Variants in NTNG1 observed in about 807,000 individuals in gnomAD.
NTNG1 encodes netrin-G1.
Under a neutral mutation model 54.0 loss-of-function variants are expected in NTNG1, and 16 were observed. That is an observed-to-expected ratio of 0.30 (90% confidence interval 0.20 to 0.45). The LOEUF (loss-of-function observed/expected upper bound fraction) is 0.45. NTNG1 is among the 20% of genes least tolerant of loss of function. NTNG1 has a pLI of 1.00. For synonymous variants in NTNG1, 255 were observed against 263.1 expected (o/e 0.97, Z 0.30); for missense variants, 530 against 678.7 (o/e 0.78, Z 2.43).
intron 2 of NTNG1, among the ~76,000 whole-genome samples, chr1:107,245,599 G>C (rs746460275): frequency 6.6e-5 from 10 of 151,936 alleles, no homozygotes; most frequent in Non-Finnish European, 1.3e-4. Context: ...AATCAATACT[G>C]TTTTCTTAGT....
intron 7 of NTNG1, among the ~76,000 whole-genome samples, chr1:107,449,171 T>C (rs1483858184): frequency 6.6e-6 from 1 of 152,098 alleles, no homozygotes; most frequent in Non-Finnish European, 1.5e-5. Flanking sequence ...CTTTGTGTCA[T>C]TGGTTTTATG....
At chr1:107,378,397 G>A (rs765899157) in intron 3 of NTNG1, among the ~76,000 whole-genome samples, 18 of 152,166 alleles carry the variant, frequency 1.2e-4, no homozygotes, top group South Asian at 8.3e-4. Flanking sequence ...CTAAACAAGT[G>A]ACCGGAATGT....
chr1:107,267,119 G>A (rs944726087), intron 2 of NTNG1, among the ~76,000 whole-genome samples: 11 of 152,150 alleles, frequency 7.2e-5, no homozygotes, highest in African/African-American at 2.7e-4. Flanking sequence ...GTTGTGCATT[G>A]GGAGACGTGT....
rs1413609024 is a variant in NTNG1, at chr1:107,148,553, G to T, written c.-41G>T. ...ACAAAGATCGCAGATCATAAAGCAA[G>T]CTCTGCTTTAGTTTCCAAGAAGATT... On this transcript the variant is annotated 5_prime_UTR_variant, in exon 2 of 8. Transcript: ENST00000370068. The T allele has an allele frequency of 1.9e-6, 3 of 1,597,082 alleles. No homozygotes were observed.
intron 2 of NTNG1, among the ~76,000 whole-genome samples, chr1:107,196,204 T>C (rs60650667): frequency 0.023 from 3,567 of 151,912 alleles, 131 homozygotes; most frequent in African/African-American, 0.082. Context: ...AATTTGGCTT[T>C]GGTGGGAGTG....
intron 4 of NTNG1, among the ~76,000 whole-genome samples, chr1:107,407,088 G>C (rs920392047): frequency 2.6e-5 from 4 of 152,180 alleles, no homozygotes; most frequent in Admixed American, 2.6e-4. Context: ...ATGTATTCTT[G>C]AATTATTCTG....
At position 107,449,093 on chromosome 1, in the gene NTNG1, A is replaced by G. The variant is rs568460291; in HGVS notation, c.1390+12294A>G. 2.8e-4 allele frequency among the ~76,000 whole-genome samples: 43 copies of G among 152,190 alleles called. No individual in the cohort carries two copies. The South Asian group carries it at 8.5e-3, about 30-fold the overall frequency. On this transcript the variant is annotated intron_variant, in intron 7 of 7. Coordinates refer to ENST00000370068, the MANE Select transcript of NTNG1 (RefSeq NM_001113226.3). Reference sequence around the variant, plus strand: ...ACTCAGTTAATTGTTATGAATTATTAATTGCTTATTTGAAAAGAGATGAGC... The same window carrying G: ...ACTCAGTTAATTGTTATGAATTATTGATTGCTTATTTGAAAAGAGATGAGC...
chr1:107,184,042 A>G (rs918064055), intron 2 of NTNG1, among the ~76,000 whole-genome samples: 4 of 152,154 alleles, frequency 2.6e-5, no homozygotes, highest in Admixed American at 1.3e-4. Context: ...CAATCGATCT[A>G]TCTACTGCCC....
intron 3 of NTNG1, among the ~76,000 whole-genome samples, chr1:107,329,864 C>A (rs1668179003): frequency 6.6e-6 from 1 of 151,764 alleles, no homozygotes; most frequent in East Asian, 1.9e-4. Flanking sequence ...TCTTAAGGAG[C>A]TGATATCCAG....
chr1:107,410,114 T>C (rs998552588), intron 5 of NTNG1: 1 of 152,162 alleles, frequency 6.6e-6, no homozygotes, highest in African/African-American at 2.4e-5. Context: ...TCAATGACTA[T>C]AATTCCACTA....
chr1:107,307,590 G>T (rs1666765783), intron 2 of NTNG1, among the ~76,000 whole-genome samples: 1 of 152,166 alleles, frequency 6.6e-6, no homozygotes, highest in Non-Finnish European at 1.5e-5. Context: ...TCTGAGAAAA[G>T]ACAGTTTTGT....
rs1021264990 is a variant in NTNG1 at position 107,430,757 on chromosome 1, A to G, written c.1095A>G (p.Glu365=). The G allele has an allele frequency of 5.6e-6, 9 of 1,613,178 alleles. No homozygotes were observed. The highest frequency in any genetic ancestry group is 7.6e-6 in the Non-Finnish European group (9 of 1,179,520). Residue 365 remains glutamate (E), a synonymous_variant, in exon 6 of 8, where the codon GAA becomes GAG. Transcript: ENST00000370068. ...IPSISSIGNC[E]CFGHSNRCSY... ...TCTGTTCTTCCTTGCAAGATTGTGA[A>G]TGCTTCGGCCACTCCAATCGATGCA...
At chr1:107,401,409 G>C (rs554187310) in intron 4 of NTNG1, among the ~76,000 whole-genome samples, 1 of 152,264 alleles carries the variant, frequency 6.6e-6, no homozygotes, top group South Asian at 2.1e-4. Context: ...TCCCTCATCT[G>C]ACCAGATATG....
intron 7 of NTNG1, among the ~76,000 whole-genome samples, chr1:107,478,245 C>A (rs1678461074): frequency 6.6e-6 from 1 of 152,048 alleles, no homozygotes; most frequent in Non-Finnish European, 1.5e-5. Context: ...AATCAAGAGA[C>A]CAAATGTAAT....
intron 4 of NTNG1, among the ~76,000 whole-genome samples, chr1:107,395,843 T>C (rs1369643153): frequency 1.3e-5 from 2 of 152,184 alleles, no homozygotes; most frequent in Admixed American, 1.3e-4. Flanking sequence ...ACTCCAGCAA[T>C]TGAAACATAC....
Position 107,236,616 on chromosome 1 carries a change from A to G in NTNG1, c.247-87666A>G, listed in dbSNP as rs942821741. Among the ~76,000 whole-genome samples, 3 of 152,194 alleles carry G rather than the reference A, an allele frequency of 2.0e-5. 1 individual carries two copies. The highest frequency in any genetic ancestry group is 4.4e-5 in the Non-Finnish European group (3 of 68,032). On this transcript the variant is annotated intron_variant, in intron 2 of 7. Transcript: ENST00000370068. ...TTGGCTATGTCCCCACCCAGATCTC[A>G]TCTTCAATTCCCATGTGTTGTGGGA...
At chr1:107,286,751 A>G (rs536378466) in intron 2 of NTNG1, among the ~76,000 whole-genome samples, 3 of 152,232 alleles carry the variant, frequency 2.0e-5, no homozygotes, top group South Asian at 4.1e-4. Context: ...TAGTAAGTTT[A>G]TTTACATAAA....
At position 107,221,459 on chromosome 1, in the gene NTNG1, G is replaced by C. The variant is rs527347872; in HGVS notation, c.246+72620G>C. 2.4e-3 allele frequency among the ~76,000 whole-genome samples: 360 copies of C among 152,282 alleles called. 2 individuals carry two copies. The highest frequency in any genetic ancestry group is 8.2e-3 in the African/African-American group (342 of 41,564). On this transcript the variant is annotated intron_variant, in intron 2 of 7. Transcript: ENST00000370068. ...GACTACCTCCATCTGCAAGGATTCA[G>C]GGTGGCTCTATGATAAAGTTGACAT...
chr1:107,415,132 T>C (rs557518793), intron 5 of NTNG1, among the ~76,000 whole-genome samples: 1 of 152,268 alleles, frequency 6.6e-6, no homozygotes, highest in East Asian at 1.9e-4. Context: ...CAGTCAATTT[T>C]AACAAAGGTA....
Sources: allele counts gnomAD v4.1 joint callset (sites outside exome capture counted in the v4.1 genomes callset), GRCh38; gene constraint gnomAD v4.1.1; transcripts MANE v1.5; gene names NCBI Gene and HGNC (gene_info 2026-07-23, HGNC 2026-07-21).